The following CACNA1C variants were observed in gnomAD, a reference collection of about 807,000 sequenced individuals.
CACNA1C encodes the protein calcium voltage-gated channel subunit alpha1 C, also known as voltage-dependent L-type calcium channel subunit alpha-1C.
A neutral mutation model predicts 229.0 loss-of-function variants in CACNA1C; 30 were observed. That is an observed-to-expected ratio of 0.13 (90% CI 0.10 to 0.18). CACNA1C has a LOEUF of 0.18. Ranked by LOEUF, CACNA1C falls within the 10% of genes least tolerant of loss-of-function variation. The pLI, the probability that CACNA1C is intolerant of heterozygous loss-of-function variation, is 1.00. For synonymous variants in CACNA1C, 1,114 were observed against 1,132.5 expected (o/e 0.98, Z 0.33); for missense variants, 1,658 against 2,845.0 (o/e 0.58, Z 9.49).
At chr12:2,416,706 A>C (rs1392993700) in intron 3 of CACNA1C, among the ~76,000 whole-genome samples, 1 of 152,230 alleles carries the variant, frequency 6.6e-6, no homozygotes, top group Non-Finnish European at 1.5e-5. Flanking sequence ...GAACGTCTCC[A>C]TCAGAAGTGG....
intron 3 of CACNA1C, among the ~76,000 whole-genome samples, chr12:2,160,587 A>G (rs1043945092): frequency 6.6e-6 from 1 of 152,230 alleles, no homozygotes; most frequent in African/African-American, 2.4e-5. Flanking sequence ...TGTCCCTAAG[A>G]GGAAAAATAC....
chr12:2,459,440 A>G (rs751241111), intron 5 of CACNA1C, among the ~76,000 whole-genome samples: 26 of 152,162 alleles, frequency 1.7e-4, no homozygotes, highest in Non-Finnish European at 3.1e-4. Flanking sequence ...AACTTACTGA[A>G]TAAGCAAAAG....
chr12:2,193,402 C>T (rs1269954842), intron 3 of CACNA1C, among the ~76,000 whole-genome samples: 1 of 152,184 alleles, frequency 6.6e-6, no homozygotes, highest in Non-Finnish European at 1.5e-5. Context: ...TGGCAGTGAG[C>T]TGAGATTGCA....
At chr12:2,558,761 G>A (rs1355271804) in intron 11 of CACNA1C, among the ~76,000 whole-genome samples, 1 of 152,124 alleles carries the variant, frequency 6.6e-6, no homozygotes, top group Non-Finnish European at 1.5e-5. Context: ...TGGGGACCCT[G>A]GTGTCTGACT....
At chr12:2,533,446 G>A (rs12423388) in intron 9 of CACNA1C, among the ~76,000 whole-genome samples, 3 of 152,234 alleles carry the variant, frequency 2.0e-5, no homozygotes, top group Admixed American at 6.5e-5. Context: ...CTCTCTGAGC[G>A]TGAAGGAGAA....
At chr12:2,673,178 A>G (rs1452499362) in intron 38 of CACNA1C, among the ~76,000 whole-genome samples, 1 of 152,250 alleles carries the variant, frequency 6.6e-6, no homozygotes, top group African/African-American at 2.4e-5. Context: ...TTTTCAGCTT[A>G]AAAAGACACC....
At chr12:2,460,245 A>G (rs1423216556) in intron 5 of CACNA1C, among the ~76,000 whole-genome samples, 3 of 152,216 alleles carry the variant, frequency 2.0e-5, no homozygotes, top group African/African-American at 7.2e-5. Flanking sequence ...TTATGCTTAG[A>G]TGTGGCTTCT....
chr12:2,194,034 C>T (rs1376100056), intron 3 of CACNA1C, among the ~76,000 whole-genome samples: 5 of 152,088 alleles, frequency 3.3e-5, no homozygotes, highest in African/African-American at 1.2e-4. Flanking sequence ...CCAACTGGAC[C>T]CCAGGCAGTA....
intron 29 of CACNA1C, among the ~76,000 whole-genome samples, chr12:2,623,045 CT>C (rs951223705): frequency 3.3e-5 from 5 of 152,172 alleles, no homozygotes. Context: ...GCCTTAAAAT[CT>C]TTTGCAGGAG....
At position 2,215,241 on chromosome 12, in the gene CACNA1C, G is replaced by A. The variant is rs2238055; in HGVS notation, c.477+94811G>A. Among the ~76,000 whole-genome samples, 7,569 of 152,184 alleles carry A rather than the reference G, an allele frequency of 0.05. 219 individuals are homozygous for A. The highest frequency in any genetic ancestry group is 0.082 in the African/African-American group (3,421 of 41,530). On this transcript the variant is annotated intron_variant, in intron 3 of 46. Coordinates refer to ENST00000399655, the MANE Select transcript of CACNA1C (RefSeq NM_000719.7). The surrounding 1 kb of genome is among the most constrained non-coding windows in gnomAD (Gnocchi z 5.0). ...TGTGGGTGTTCTGTTGCATTCAGTG[G>A]GGCTTCAGTCTTCATTTTCCTTGTC...
At chr12:2,404,052 G>T (rs1429714975) in intron 3 of CACNA1C, among the ~76,000 whole-genome samples, 1 of 152,204 alleles carries the variant, frequency 6.6e-6, no homozygotes, top group African/African-American at 2.4e-5. Context: ...GTCACCTCTG[G>T]TTGTGGGCGC....
intron 3 of CACNA1C, among the ~76,000 whole-genome samples, chr12:2,429,066 T>A (rs967538271): frequency 3.9e-5 from 6 of 152,134 alleles, no homozygotes; most frequent in African/African-American, 1.4e-4. Flanking sequence ...TTTTCGCTTT[T>A]GGTGTTGCCA....
chr12:2,580,585 C>A (rs1020655940), intron 13 of CACNA1C, among the ~76,000 whole-genome samples: 3 of 152,218 alleles, frequency 2.0e-5, no homozygotes, highest in Non-Finnish European at 4.4e-5. Flanking sequence ...ACTTCCTGGT[C>A]CTGAGCTGAC....
intron 29 of CACNA1C, among the ~76,000 whole-genome samples, chr12:2,618,023 C>G (rs1327826314): frequency 4.6e-5 from 7 of 152,210 alleles, no homozygotes. Flanking sequence ...GCTTGGGGTT[C>G]TCCAGGGGCA....
At position 2,681,709 on chromosome 12, in the gene CACNA1C, A is replaced by ACTC. The variant is rs1162703492; in HGVS notation, c.5445-841_5445-840insCTC. Among the ~76,000 whole-genome samples, 943 of 148,366 alleles carry ACTC rather than the reference A, an allele frequency of 6.4e-3. 8 individuals carry two copies. The highest frequency in any genetic ancestry group is 0.02 in the African/African-American group (771 of 37,984). Reference sequence around the variant, plus strand: ...TGGCAGTCTGCAGTCCTCCTCCTCGAGAGAGAGAATTGCTTCTACCCTGCC... The same window carrying ACTC: ...TGGCAGTCTGCAGTCCTCCTCCTCGACTCGAGAGAGAATTGCTTCTACCCTGCC... On this transcript the variant is annotated intron_variant, in intron 42 of 46. Coordinates refer to ENST00000399655, the MANE Select transcript of CACNA1C (RefSeq NM_000719.7).
rs542237776 is a variant in CACNA1C, at chr12:2,113,146, C to T, written c.50-2078C>T. On this transcript the variant is annotated intron_variant, in intron 1 of 46. Transcript: ENST00000399655. ...GAGGCCACACCTGTCTCACCTGCCT[C>T]ACCTGCGTGTGGCTCAGGTAAGGGC... Among the ~76,000 whole-genome samples, 416 of 152,338 alleles carry T rather than the reference C, an allele frequency of 2.7e-3. 6 individuals carry two copies. Among genetic ancestry groups the T allele is most frequent in the African/African-American group, 9.6e-3 (401 of 41,574 alleles).
chr12:2,100,521 A>T (rs12372032), intron 1 of CACNA1C, among the ~76,000 whole-genome samples: 1 of 134,332 alleles, frequency 7.4e-6, no homozygotes, highest in Admixed American at 8.0e-5. Context: ...AGCCTGATGC[A>T]GGAGGATCAC....
intron 1 of CACNA1C, among the ~76,000 whole-genome samples, chr12:2,106,678 C>G (rs1413450395): frequency 0.18 from 5,227 of 29,360 alleles, 1,103 homozygotes; most frequent in Non-Finnish European, 0.26. Context: ...CTGGGGCGTC[C>G]TGAAGCCACT....
intron 15 of CACNA1C, among the ~76,000 whole-genome samples, chr12:2,583,229 C>T (rs962456136): frequency 1.3e-5 from 2 of 152,232 alleles, no homozygotes; most frequent in South Asian, 2.1e-4. Context: ...TGTGCGGCCA[C>T]TCACACCGCC....
Sources: gnomAD v4.1 joint callset for allele counts (sites outside exome capture counted in the v4.1 genomes callset) on GRCh38, gnomAD v4.1.1 for gene constraint, Gnocchi (gnomAD v3.1) non-coding constraint, MANE v1.5 for transcripts, NCBI Gene and HGNC (gene_info 2026-07-23, HGNC 2026-07-21) for gene names.